Variants in PRUNE2 observed in about 807,000 individuals in gnomAD.
PRUNE2 encodes the protein protein prune homolog 2.
Under a neutral mutation model 252.0 loss-of-function variants are expected in PRUNE2, and 164 were observed. The ratio of observed to expected loss-of-function variants is 0.65; its 90% confidence interval spans 0.57 to 0.74. The LOEUF is 0.74. PRUNE2 is among the 30% of genes least tolerant of loss of function. PRUNE2 has a pLI of 0.00. For synonymous variants in PRUNE2, 1,292 were observed against 1,350.2 expected, an observed-to-expected ratio of 0.96 and a Z score of 0.94; for missense variants, 3,495 against 3,711.0, an observed-to-expected ratio of 0.94 and a Z score of 1.51.
Position 76,710,260 on chromosome 9 carries a change from T to G in PRUNE2, c.2014A>C (p.Ser672Arg). The G allele has an allele frequency of 6.2e-7, 1 of 1,613,978 alleles. No homozygotes were observed. The highest frequency in any genetic ancestry group is 1.1e-5 in the South Asian group (1 of 91,086). The change falls in exon 8 of 19, where the codon AGT becomes CGT. Residue 672 changes from serine to arginine, a missense_variant. Physicochemically the swap from Ser to Arg is moderately radical, Grantham distance 110. Coordinates refer to ENST00000376718, the MANE Select transcript of PRUNE2 (RefSeq NM_015225.3). ...AAAACAGATTCCTGTTCACTGGAAC[T>G]CCACGCATCTGCAATATTTTTGGAG... ...IDSKNIADAW[S>R]SSEQESVFQS...
Position 76,652,671 on chromosome 9 carries a change from G to GAATT in PRUNE2, c.8365_8368dup (p.Ser2790Ter). On this transcript the variant is annotated stop_gained and frameshift_variant, in exon 11 of 19. Transcript: ENST00000376718. LOFTEE classifies it high-confidence loss of function. ...AGGATGAGTGTCATTAAGATCCAGA[G>GAATT]AATTAGGAGGTTCTAAAGAAGAAAG... The GAATT allele has an allele frequency of 6.2e-7, 1 of 1,608,714 alleles. No homozygotes were observed. The highest frequency in any genetic ancestry group is 8.5e-7 in the Non-Finnish European group (1 of 1,175,362).
chr9:76,736,043 C>CT (rs1230098170), intron 6 of PRUNE2, among the ~76,000 whole-genome samples: 1 of 152,064 alleles, frequency 6.6e-6, no homozygotes, highest in African/African-American at 2.4e-5. Context: ...TTTTCATTCC[C>CT]TTACTGTAAT....
intron 4 of PRUNE2, among the ~76,000 whole-genome samples, chr9:76,837,209 C>T (rs899270445): frequency 6.6e-6 from 1 of 152,006 alleles, no homozygotes; most frequent in Non-Finnish European, 1.5e-5. Flanking sequence ...TTTGGGAGGC[C>T]AAGGCGGGCG....
At chr9:76,626,336 G>A (rs1463415944) in intron 16 of PRUNE2, among the ~76,000 whole-genome samples, 2 of 152,222 alleles carry the variant, frequency 1.3e-5, no homozygotes, top group Non-Finnish European at 2.9e-5. Context: ...AGGACTGGTT[G>A]TGGGAGTGGC....
intron 6 of PRUNE2, among the ~76,000 whole-genome samples, chr9:76,779,383 G>C (rs1237685598): frequency 6.6e-6 from 1 of 152,140 alleles, no homozygotes; most frequent in Non-Finnish European, 1.5e-5. Context: ...TCCTTCCAAA[G>C]CCAACGTCGA....
intron 1 of PRUNE2, among the ~76,000 whole-genome samples, chr9:76,855,366 A>AAGCC (rs1172672388): frequency 6.6e-6 from 1 of 152,100 alleles, no homozygotes; most frequent in Non-Finnish European, 1.5e-5. Flanking sequence ...ACTACCTAGA[A>AAGCC]AGCCAACTTA....
At chr9:76,812,938 TAAGTA>T (rs1231869960) in intron 6 of PRUNE2, among the ~76,000 whole-genome samples, 1 of 152,224 alleles carries the variant, frequency 6.6e-6, no homozygotes, top group Non-Finnish European at 1.5e-5. Context: ...TAATTTGTGT[TAAGTA>T]AATTATGTTA....
chr9:76,705,324 T>C lies in PRUNE2; in HGVS notation c.6950A>G (p.Asp2317Gly), dbSNP rs2046234458. 4.3e-6 allele frequency: 7 copies of C among 1,614,052 alleles called. No individual in the cohort carries two copies. The East Asian group carries it at 6.7e-5, about 15-fold the overall frequency. The change falls in exon 8 of 19, where the codon GAT (aspartate) becomes GGT (glycine). Residue 2317 changes from aspartate to glycine, a missense_variant. Transcript: ENST00000376718. ...GGATAATGTCAGTTTACTCATGTCA[T>C]CTATTGTTCCCGTGGATGTGTTGAG... ...SGLNTSTGTI[D>G]DMSKLTLSEG...
intron 6 of PRUNE2, chr9:76,823,431 G>T: frequency 5.7e-6 from 3 of 525,420 alleles, no homozygotes; most frequent in Non-Finnish European, 1.0e-5. Flanking sequence ...TTCATCTTGA[G>T]AATCCAGGTT....
intron 15 of PRUNE2, among the ~76,000 whole-genome samples, chr9:76,630,054 C>T (rs1836803450): frequency 6.6e-6 from 1 of 152,134 alleles, no homozygotes; most frequent in South Asian, 2.1e-4. Flanking sequence ...CATTCACACT[C>T]TTGACCATAT....
At chr9:76,901,749 T>C (rs1213624248) in intron 1 of PRUNE2, among the ~76,000 whole-genome samples, 2 of 152,228 alleles carry the variant, frequency 1.3e-5, no homozygotes. Context: ...CCTAGAATTT[T>C]TCTTCTGTAG....
chr9:76,892,255 T>C (rs2062529583), intron 1 of PRUNE2, among the ~76,000 whole-genome samples: 1 of 152,144 alleles, frequency 6.6e-6, no homozygotes. Context: ...GGGTGTAGAC[T>C]TCAGGGTCAA....
At chr9:76,727,710 C>T (rs373440508) in intron 6 of PRUNE2, among the ~76,000 whole-genome samples, 1,238 of 42,744 alleles carry the variant, frequency 0.029, 25 homozygotes, top group East Asian at 0.14. Context: ...GTAAACAGGG[C>T]TTTTTTTTTT....
chr9:76,844,488 G>A (rs546461639), intron 4 of PRUNE2, among the ~76,000 whole-genome samples: 67 of 152,288 alleles, frequency 4.4e-4, no homozygotes, highest in African/African-American at 1.6e-3. Flanking sequence ...ACAGAAGCAT[G>A]AGTGAAATAA....
chr9:76,725,038 T>TA (rs1242560911), intron 6 of PRUNE2, among the ~76,000 whole-genome samples: 1 of 151,350 alleles, frequency 6.6e-6, no homozygotes, highest in Admixed American at 6.6e-5. Flanking sequence ...ATGTATAGAT[T>TA]AAAAAAAAAG....
chr9:76,792,170 G>C (rs2055614314), intron 6 of PRUNE2, among the ~76,000 whole-genome samples: 1 of 152,140 alleles, frequency 6.6e-6, no homozygotes, highest in African/African-American at 2.4e-5. Context: ...CCTGGTGGGA[G>C]GTAATTGAAT....
In PRUNE2 at chr9:76,706,853, C is replaced by G; in HGVS notation, c.5421G>C (p.Ser1807=). 1 of 1,594,242 alleles carries G rather than the reference C, an allele frequency of 6.3e-7. No individual in the cohort carries two copies. The highest frequency in any genetic ancestry group is 8.5e-7 in the Non-Finnish European group (1 of 1,170,480). The part of the protein sequence containing the change: ...DVAWQISPKA[S]FPKNEDNSQL... The stretch of plus-strand genomic sequence containing the variant: ...GAGAATTATCTTCGTTCTTTGGGAA[C>G]GAAGCTTTGGGAGATATTTGCCATG... Residue 1807 remains serine, a synonymous_variant, in exon 8 of 19, where the codon TCG becomes TCC. Coordinates refer to ENST00000376718, the MANE Select transcript of PRUNE2 (RefSeq NM_015225.3).
At chr9:76,657,326 C>G (rs1283394342) in intron 9 of PRUNE2, among the ~76,000 whole-genome samples, 1 of 152,154 alleles carries the variant, frequency 6.6e-6, no homozygotes, top group Admixed American at 6.5e-5. Flanking sequence ...AGTTATCTGC[C>G]TAAGAGTCAA....
chr9:76,650,933 C>G (rs1847128404), intron 11 of PRUNE2, among the ~76,000 whole-genome samples: 1 of 152,120 alleles, frequency 6.6e-6, no homozygotes, highest in South Asian at 2.1e-4. Context: ...GGTCATGCCA[C>G]AGTCTTCTGT....
Sources: allele counts gnomAD v4.1 joint callset (sites outside exome capture counted in the v4.1 genomes callset), GRCh38; gene constraint gnomAD v4.1.1; transcripts MANE v1.5; gene names NCBI Gene and HGNC (gene_info 2026-07-23, HGNC 2026-07-21).